EPM2A: variants seen among roughly 807,000 people sequenced by gnomAD.
EPM2A encodes EPM2A glucan phosphatase, laforin.
Under a neutral mutation model 26.5 loss-of-function variants are expected in EPM2A, and 21 were observed. The ratio of observed to expected loss-of-function variants is 0.79; its 90% CI spans 0.56 to 1.14. The LOEUF is 1.14. Ranked by LOEUF, EPM2A falls within the 50% of genes most tolerant of loss-of-function variation. EPM2A has a pLI of 0.00. For synonymous variants in EPM2A, 217 were observed against 177.6 expected (o/e 1.22, Z -1.76); for missense variants, 458 against 440.8 (o/e 1.04, Z -0.35).
intron 2 of EPM2A, among the ~76,000 whole-genome samples, chr6:145,576,212 A>C (rs1781029278): frequency 6.6e-6 from 1 of 152,196 alleles, no homozygotes; most frequent in African/African-American, 2.4e-5. Flanking sequence ...TAAAATTACA[A>C]TTCTAGAATT....
In EPM2A at chr6:145,627,709, C is replaced by G; in HGVS notation, c.719-16G>C. 6.2e-7 allele frequency: 1 copy of G among 1,613,260 alleles called. No individual in the cohort carries two copies. The highest frequency in any genetic ancestry group is 8.5e-7 in the Non-Finnish European group (1 of 1,179,878). ...TGTACTCGGCCTGCGGTGGGGAAAG[C>G]ACAGCACACATGTGAATAACTAAAC... On this transcript the variant is annotated splice_polypyrimidine_tract_variant and intron_variant, in intron 3 of 3. Coordinates refer to ENST00000367519, the MANE Select transcript of EPM2A (RefSeq NM_005670.4).
intron 2 of EPM2A, among the ~76,000 whole-genome samples, chr6:145,533,550 C>T (rs1180885684): frequency 6.6e-6 from 1 of 152,174 alleles, no homozygotes; most frequent in Non-Finnish European, 1.5e-5. Flanking sequence ...ATCCCCTACC[C>T]CATGCTCCAG....
downstream of EPM2A, among the ~76,000 whole-genome samples, chr6:145,625,008 T>A (rs1357746689): frequency 2.0e-5 from 3 of 152,202 alleles, no homozygotes; most frequent in Non-Finnish European, 4.4e-5. Flanking sequence ...CTTTGAGAAA[T>A]CCGTGATTGA....
At chr6:145,412,214 CAAA>C (rs11404849) in intron 4 of EPM2A, among the ~76,000 whole-genome samples, 5 of 114,052 alleles carry the variant, frequency 4.4e-5, no homozygotes, top group Admixed American at 8.8e-5. Context: ...GACTCTGTCT[CAAA>C]AAAAAAAAAA....
intron 1 of EPM2A, among the ~76,000 whole-genome samples, chr6:145,718,492 A>G (rs1775766844): frequency 6.6e-6 from 1 of 151,948 alleles, no homozygotes; most frequent in Non-Finnish European, 1.5e-5. Context: ...AGACTTAAAC[A>G]TTAGACCTAA....
intron 4 of EPM2A, among the ~76,000 whole-genome samples, chr6:145,409,726 G>C (rs1164985669): frequency 1.3e-5 from 2 of 152,150 alleles, no homozygotes; most frequent in Non-Finnish European, 2.9e-5. Context: ...GAGCTAGGGG[G>C]ACTCTGATGA....
At chr6:145,536,291 TTTTG>T (rs961409465) in intron 2 of EPM2A, among the ~76,000 whole-genome samples, 45 of 150,954 alleles carry the variant, frequency 3.0e-4, no homozygotes, top group Non-Finnish European at 5.5e-4. Context: ...TGGTTTTTGG[TTTTG>T]TTTGTTTGTT....
chr6:145,641,077 G>C (rs1777050353), intron 2 of EPM2A: 1 of 152,160 alleles, frequency 6.6e-6, no homozygotes, highest in South Asian at 2.1e-4. Flanking sequence ...GTGTAGTTTA[G>C]AGCCATATGA....
chr6:145,638,462 G>T (rs528130189), intron 2 of EPM2A: 17 of 152,222 alleles, frequency 1.1e-4, no homozygotes, highest in Admixed American at 1.3e-4. Context: ...ACAAGTCAAA[G>T]ATAAACAGGC....
chr6:145,520,209 A>G (rs1229602030), intron 2 of EPM2A, among the ~76,000 whole-genome samples: 1 of 152,170 alleles, frequency 6.6e-6, no homozygotes, highest in Non-Finnish European at 1.5e-5. Context: ...TTAAAATCTT[A>G]AAATATCACT....
intron 1 of EPM2A, among the ~76,000 whole-genome samples, chr6:145,717,822 T>G (rs11155440): frequency 0.53 from 78,919 of 148,214 alleles, 21,590 homozygotes; most frequent in Admixed American, 0.66. Context: ...TATACACCAA[T>G]AACAGACAAA....
At chr6:145,633,941 T>A (rs1776454705) in intron 3 of EPM2A, 1 of 152,218 alleles carries the variant, frequency 6.6e-6, no homozygotes. Context: ...CAATAACTTT[T>A]TCATGCCTCA....
chr6:145,472,465 G>T (rs1046772805), intron 4 of EPM2A, among the ~76,000 whole-genome samples: 1 of 152,046 alleles, frequency 6.6e-6, no homozygotes, highest in Non-Finnish European at 1.5e-5. Context: ...GGGTCATGGG[G>T]TCCCTAATTC....
At chr6:145,471,604 C>T (rs1268210981) in intron 4 of EPM2A, among the ~76,000 whole-genome samples, 1 of 152,156 alleles carries the variant, frequency 6.6e-6, no homozygotes, top group Non-Finnish European at 1.5e-5. Context: ...TGAAGAGCCT[C>T]TATGGGCATT....
intron 2 of EPM2A, among the ~76,000 whole-genome samples, chr6:145,571,330 C>T (rs1483921337): frequency 6.6e-6 from 1 of 152,202 alleles, no homozygotes; most frequent in Non-Finnish European, 1.5e-5. Flanking sequence ...CCAGCTGCTT[C>T]AGTATGATGG....
intron 1 of EPM2A, among the ~76,000 whole-genome samples, chr6:145,706,578 G>C (rs1366796292): frequency 6.6e-6 from 1 of 152,096 alleles, no homozygotes; most frequent in Non-Finnish European, 1.5e-5. Context: ...GATGGCCTAG[G>C]TAGCCACTGG....
At chr6:145,580,099 T>C (rs1470145267) in intron 2 of EPM2A, among the ~76,000 whole-genome samples, 1 of 152,176 alleles carries the variant, frequency 6.6e-6, no homozygotes, top group Non-Finnish European at 1.5e-5. Flanking sequence ...GAAAAGGTTA[T>C]TATAGATTTA....
intron 4 of EPM2A, among the ~76,000 whole-genome samples, chr6:145,481,437 T>C (rs1779610324): frequency 6.6e-6 from 1 of 152,146 alleles, no homozygotes; most frequent in South Asian, 2.1e-4. Flanking sequence ...AAATAGATTG[T>C]TGCTTCAGGG....
At chr6:145,467,194 TAA>T (rs1370740833) in intron 4 of EPM2A, among the ~76,000 whole-genome samples, 2 of 152,068 alleles carry the variant, frequency 1.3e-5, no homozygotes, top group Non-Finnish European at 2.9e-5. Context: ...CTTTATTTTC[TAA>T]ACATAATTTT....
Sources: allele counts gnomAD v4.1 joint callset (sites outside exome capture counted in the v4.1 genomes callset), GRCh38; gene constraint gnomAD v4.1.1; transcripts MANE v1.5; gene names NCBI Gene and HGNC (gene_info 2026-07-23, HGNC 2026-07-21).